The following CLASP1 variants were observed in gnomAD, a reference collection of about 807,000 sequenced individuals.
The protein encoded by CLASP1 is cytoplasmic linker associated protein 1.
In CLASP1, 38 loss-of-function variants were observed where a neutral mutation model predicts 192.3. That is an observed-to-expected ratio of 0.20 (90% CI 0.15 to 0.26). The LOEUF is 0.26. Among genes scored for constraint, CLASP1 ranks in the 10% least tolerant of loss-of-function variants. The pLI, the probability that CLASP1 is intolerant of heterozygous loss-of-function variation, is 1.00. For synonymous variants in CLASP1, 691 were observed against 712.8 expected, an observed-to-expected ratio of 0.97 and a Z score of 0.49; for missense variants, 1,433 against 1,932.5, an observed-to-expected ratio of 0.74 and a Z score of 4.85.
chr2:121,415,645 AAGATAATATGCTT>A (rs2078449069), intron 23 of CLASP1, among the ~76,000 whole-genome samples: 1 of 152,252 alleles, frequency 6.6e-6, no homozygotes, highest in South Asian at 2.1e-4. Context: ...GGAAAAACAA[AAGATAATATGCTT>A]CCATTCATTA....
chr2:121,519,921 G>A (rs184974235), intron 6 of CLASP1, among the ~76,000 whole-genome samples: 47 of 152,276 alleles, frequency 3.1e-4, no homozygotes, highest in Non-Finnish European at 5.6e-4. Context: ...CACTGGTCTC[G>A]CACTGCCTCT....
rs144837379 is a variant in CLASP1, at chr2:121,617,762, G to A, written c.-285-11582C>T. On this transcript the variant is annotated intron_variant, in intron 1 of 39. Transcript: ENST00000263710. ...CTACCCACCTTCCAGATCTCTGTTG[G>A]TGGGCTCAGTCCAATGCCTCTTGTC... Among the ~76,000 whole-genome samples, 636 of 152,142 alleles carry A rather than the reference G, an allele frequency of 4.2e-3. 3 individuals carry two copies. Among genetic ancestry groups the A allele is most frequent in the African/African-American group, 0.015 (617 of 41,500 alleles).
At chr2:121,590,160 A>C (rs1393462607) in intron 2 of CLASP1, among the ~76,000 whole-genome samples, 1 of 152,184 alleles carries the variant, frequency 6.6e-6, no homozygotes, top group Admixed American at 6.5e-5. Context: ...CAAAGGAAAA[A>C]TATCAAGAGA....
intron 19 of CLASP1, among the ~76,000 whole-genome samples, chr2:121,439,831 A>C (rs2082965613): frequency 1.3e-5 from 2 of 150,402 alleles, no homozygotes; most frequent in South Asian, 4.2e-4. Flanking sequence ...AACTATCGCA[A>C]GAACAAAAAG....
chr2:121,620,630 G>A (rs995652445), intron 1 of CLASP1, among the ~76,000 whole-genome samples: 1 of 152,146 alleles, frequency 6.6e-6, no homozygotes, highest in Non-Finnish European at 1.5e-5. Context: ...TTACAGGCAT[G>A]AGCCACCACG....
intron 2 of CLASP1, among the ~76,000 whole-genome samples, chr2:121,573,117 G>A (rs768463021): frequency 1.2e-4 from 18 of 152,200 alleles, no homozygotes; most frequent in Admixed American, 2.6e-4. Flanking sequence ...CTGCCACCAC[G>A]CCCAGCTAGT....
chr2:121,577,025 C>G (rs1021527909), intron 2 of CLASP1, among the ~76,000 whole-genome samples: 19 of 152,122 alleles, frequency 1.2e-4, no homozygotes, highest in African/African-American at 4.6e-4. Flanking sequence ...TTTTTAAGAC[C>G]TTATTACGGA....
chr2:121,540,322 A>G (rs2104985565), intron 2 of CLASP1, among the ~76,000 whole-genome samples: 1 of 152,352 alleles, frequency 6.6e-6, no homozygotes, highest in South Asian at 2.1e-4. Context: ...GGCCAGAAAC[A>G]TACCCACATT....
intron 34 of CLASP1, among the ~76,000 whole-genome samples, chr2:121,368,414 T>C (rs2067872878): frequency 6.6e-6 from 1 of 152,244 alleles, no homozygotes; most frequent in South Asian, 2.1e-4. Context: ...GTTGTTATGC[T>C]GGGTCAAAGA....
At chr2:121,380,998 T>C (rs894750920) in intron 33 of CLASP1, among the ~76,000 whole-genome samples, 7 of 152,072 alleles carry the variant, frequency 4.6e-5, no homozygotes, top group Non-Finnish European at 8.8e-5. Context: ...CAACTGATCT[T>C]ACACTTGGAG....
chr2:121,552,994 G>A (rs1178580006), intron 2 of CLASP1, among the ~76,000 whole-genome samples: 1 of 152,208 alleles, frequency 6.6e-6, no homozygotes, highest in East Asian at 1.9e-4. Context: ...TACATACCAT[G>A]GAATACTATG....
chr2:121,537,307 G>A (rs968671027), intron 2 of CLASP1, among the ~76,000 whole-genome samples: 10 of 151,856 alleles, frequency 6.6e-5, no homozygotes, highest in Admixed American at 6.6e-4. Flanking sequence ...AGAGAGGATC[G>A]CTCGAGCCCA....
At chr2:121,594,474 C>G (rs2062870656) in intron 2 of CLASP1, among the ~76,000 whole-genome samples, 1 of 150,778 alleles carries the variant, frequency 6.6e-6, no homozygotes, top group Non-Finnish European at 1.5e-5. Flanking sequence ...GTCACTGCAA[C>G]CTCCGCCTCC....
chr2:121,541,639 A>G (rs774061093), intron 2 of CLASP1, among the ~76,000 whole-genome samples: 3 of 152,024 alleles, frequency 2.0e-5, no homozygotes, highest in Non-Finnish European at 2.9e-5. Flanking sequence ...TCGGCGCTAC[A>G]CCTCTCTGAG....
At chr2:121,580,438 T>C (rs10205424) in intron 2 of CLASP1, among the ~76,000 whole-genome samples, 30,524 of 152,008 alleles carry the variant, frequency 0.2, 5,676 homozygotes, top group African/African-American at 0.49. Flanking sequence ...ATATAACCTA[T>C]CTATAATTTT....
rs189322246 is a variant in CLASP1, at chr2:121,448,343, T to A, written c.1692-18A>T. On this transcript the variant is annotated intron_variant, in intron 17 of 39. Transcript: ENST00000263710. Reference sequence around the variant, plus strand: ...GCGGACGACTAAAAGTAAAGATGTATATTATTTATTACATGTACTGTACCT... The same window carrying A: ...GCGGACGACTAAAAGTAAAGATGTAAATTATTTATTACATGTACTGTACCT... 25 of 1,564,262 alleles carry A rather than the reference T, an allele frequency of 1.6e-5. No homozygotes were observed. In the Admixed American group the frequency reaches 2.2e-4, roughly 14 times the overall value.
chr2:121,508,194 GC>G (rs1280301033), intron 7 of CLASP1, among the ~76,000 whole-genome samples: 2 of 152,004 alleles, frequency 1.3e-5, no homozygotes, highest in African/African-American at 4.8e-5. Flanking sequence ...GCACTGGTGG[GC>G]TTATAATGTA....
exon 35 of CLASP1, chr2:121,367,831 C>G (rs1371566855): frequency 1.9e-6 from 3 of 1,612,714 alleles, no homozygotes; most frequent in Non-Finnish European, 2.5e-6. Flanking sequence ...TCGCGGGACA[C>G]CTGCAGCACA....
At chr2:121,547,435 C>T (rs565723107) in intron 2 of CLASP1, among the ~76,000 whole-genome samples, 7 of 152,004 alleles carry the variant, frequency 4.6e-5, no homozygotes, top group Middle Eastern at 3.4e-3. Context: ...AGCTTGGGCT[C>T]GCAGCGAAGA....
Sources: allele counts gnomAD v4.1 joint callset (sites outside exome capture counted in the v4.1 genomes callset), GRCh38; gene constraint gnomAD v4.1.1; transcripts MANE v1.5; gene names NCBI Gene and HGNC (gene_info 2026-07-23, HGNC 2026-07-21).